FHL1: variants seen among roughly 807,000 people sequenced by gnomAD.
FHL1 encodes four and a half LIM domains 1, also known as four and a half LIM domains protein 1.
FHL1 carries 1 observed loss-of-function variant against 20.3 expected under a neutral mutation model. The ratio of observed to expected loss-of-function variants is 0.05; its 90% confidence interval spans 0.02 to 0.23. The LOEUF is 0.23. Among genes scored for constraint, FHL1 ranks in the 10% least tolerant of loss-of-function variants. The pLI is 1.00. For missense variants in FHL1, 177 were observed against 234.0 expected, an observed-to-expected ratio of 0.76 and a Z score of 1.59; for synonymous variants, 82 against 88.9, an observed-to-expected ratio of 0.92 and a Z score of 0.44.
intron 1 of FHL1, among the ~76,000 whole-genome samples, chrX:136,154,890 A>G (rs1424508428): frequency 2.7e-5 from 3 of 111,718 alleles, no homozygotes; most frequent in Non-Finnish European, 5.6e-5. Context: ...TATTTTTAGT[A>G]GAGACGGGGT....
At chrX:136,171,862 T>A (rs931041338) in intron 2 of FHL1, among the ~76,000 whole-genome samples, 5 of 99,271 alleles carry the variant, frequency 5.0e-5, no homozygotes, top group African/African-American at 1.1e-4. Flanking sequence ...CTGTTTTTTT[T>A]ATTTTTTTAA....
Position 136,207,059 on chromosome X carries a change from G to T in FHL1, c.248G>T (p.Arg83Leu). 8.3e-7 allele frequency: 1 copy of T among 1,211,549 alleles called. No individual in the cohort carries two copies. The highest frequency in any genetic ancestry group is 1.8e-5 in the South Asian group (1 of 56,953). Reference protein sequence around the residue: ...KNRFWHDTCFRCAKCLHPLAN... With the variant: ...KNRFWHDTCFLCAKCLHPLAN... The stretch of plus-strand genomic sequence containing the variant: ...CGCTTCTGGCATGACACCTGCTTCC[G>T]CTGTGCCAAGTGCCTTCACCCCTTG... Residue 83 changes from arginine to leucine, a missense_variant, in exon 3 of 6, where the codon CGC (arginine) becomes CTC (leucine). Physicochemically the swap from Arg to Leu is moderately radical, Grantham distance 102. Transcript: ENST00000370683.
chrX:136,155,317 G>C (rs2072385050), intron 1 of FHL1, among the ~76,000 whole-genome samples: 1 of 112,084 alleles, frequency 8.9e-6, no homozygotes, highest in Non-Finnish European at 1.9e-5. Context: ...CAGGGAAGCT[G>C]ATCTCCAGGG....
intron 1 of FHL1, among the ~76,000 whole-genome samples, chrX:136,155,042 C>T (rs1484131546): frequency 6.2e-5 from 7 of 112,350 alleles, no homozygotes; most frequent in African/African-American, 1.6e-4. Flanking sequence ...AGTTATTTAG[C>T]TTTCTTCCCC....
rs549683899 is a variant in FHL1, at chrX:136,191,324, G to C, written c.-26-15083G>C. Among the ~76,000 whole-genome samples, 29 of 112,472 alleles carry C rather than the reference G, an allele frequency of 2.6e-4. No homozygotes were observed. The South Asian group carries it at 6.7e-3, about 26-fold the overall frequency. On this transcript the variant is annotated intron_variant, in intron 2 of 6. Transcript: ENST00000394153. ...CAAATGTTGGCCTTCGGGGAAACTT[G>C]GCAGATGGGAGCCAAGTGAGCTTTC...
upstream of FHL1, among the ~76,000 whole-genome samples, chrX:136,195,389 G>A (rs1187635003): frequency 8.9e-6 from 1 of 112,331 alleles, no homozygotes; most frequent in Admixed American, 9.4e-5. Flanking sequence ...TAAAGTAAGA[G>A]AATTTCCTCT....
chrX:136,153,874 A>G (rs1284474604), intron 1 of FHL1, among the ~76,000 whole-genome samples: 1 of 111,497 alleles, frequency 9.0e-6, no homozygotes, highest in Non-Finnish European at 1.9e-5. Context: ...ACATCTCTAG[A>G]TGGAAGTCAT....
At chrX:136,199,241 A>G (rs1367804807) in intron 1 of FHL1, among the ~76,000 whole-genome samples, 2 of 111,733 alleles carry the variant, frequency 1.8e-5, no homozygotes, top group Non-Finnish European at 3.8e-5. Context: ...TCAGTGGCAC[A>G]TAATTTTTCT....
upstream of FHL1, chrX:136,196,706 C>G: frequency 1.3e-5 from 9 of 669,880 alleles, no homozygotes; most frequent in East Asian, 3.6e-5. Flanking sequence ...TTTACAGGGC[C>G]AAATGCAAGC....
intron 2 of FHL1, among the ~76,000 whole-genome samples, chrX:136,175,839 G>A (rs2072989239): frequency 8.9e-6 from 1 of 112,544 alleles, no homozygotes. Flanking sequence ...TTTATTTGAA[G>A]TTGTATTCAT....
intron 2 of FHL1, among the ~76,000 whole-genome samples, chrX:136,172,179 C>T (rs1384060837): frequency 8.9e-6 from 1 of 112,179 alleles, no homozygotes; most frequent in African/African-American, 3.2e-5. Flanking sequence ...CAGGCGTGAG[C>T]CACTGCGCCC....
chrX:136,146,914 G>C (rs1243678610), upstream of FHL1: 1 of 329,328 alleles, frequency 3.0e-6, no homozygotes, highest in South Asian at 2.6e-5. Context: ...AGGGGTCGTC[G>C]GTGGGCCTTT....
At position 136,206,466 on chromosome X, in the gene FHL1, G is replaced by A; in HGVS notation, c.82G>A (p.Asp28Asn). 1 of 1,212,356 alleles carries A rather than the reference G, an allele frequency of 8.2e-7. No individual in the cohort carries two copies. Among genetic ancestry groups the A allele is most frequent in the Non-Finnish European group, 1.1e-6 (1 of 895,639 alleles). The change falls in exon 2 of 6, where the codon GAT (aspartate) becomes AAT (asparagine). Residue 28 changes from aspartate (D) to asparagine (N), a missense_variant. Transcript: ENST00000370683. The stretch of plus-strand genomic sequence containing the variant: ...GAAGTTTGACTGCCACTACTGCAGG[G>A]ATCCCTTGCAGGGGAAGAAGTATGT... Reference protein sequence around the residue: ...AEKFDCHYCRDPLQGKKYVQK... With the variant: ...AEKFDCHYCRNPLQGKKYVQK...
rs768654870 is a variant in FHL1, at chrX:136,155,853, G to A, written c.-101+8225G>A. Among the ~76,000 whole-genome samples, 10 of 107,739 alleles carry A rather than the reference G, an allele frequency of 9.3e-5. No individual in the cohort carries two copies. In the South Asian group the frequency reaches 1.2e-3, roughly 13 times the overall value. The allele number at this position is 107,739 out of a possible 115,157, so 93.6% of individuals were successfully genotyped here. On this transcript the variant is annotated intron_variant, in intron 1 of 7. Coordinates refer to the FHL1 transcript ENST00000394155. ...ATCAAAATAATAAGTATCTCCTGTC[G>A]GCATTTTACTGCTTGTAGAATTGAT...
intron 3 of FHL1, chrX:136,207,537 CAGGGTA>C (rs981737912): frequency 1.4e-4 from 62 of 427,786 alleles, no homozygotes; most frequent in Non-Finnish European, 2.3e-4. Flanking sequence ...TAAGTGCACG[CAGGGTA>C]TAGAGGTGGG....
intron 1 of FHL1, among the ~76,000 whole-genome samples, chrX:136,158,837 A>G (rs756049026): frequency 2.1e-4 from 23 of 111,851 alleles, no homozygotes; most frequent in African/African-American, 6.5e-4. Context: ...GATAATTGTA[A>G]AGCAATTAAA....
chrX:136,171,701 C>A (rs764067461), intron 2 of FHL1, among the ~76,000 whole-genome samples: 1 of 111,561 alleles, frequency 9.0e-6, no homozygotes, highest in Non-Finnish European at 1.9e-5. Context: ...ACATTTAAAT[C>A]GAAGTTTTTC....
chrX:136,155,424 G>A (rs2072388624), intron 1 of FHL1, among the ~76,000 whole-genome samples: 1 of 112,202 alleles, frequency 8.9e-6, no homozygotes, highest in Admixed American at 9.5e-5. Context: ...CATAGGCTAT[G>A]TATACATGTA....
intron 2 of FHL1, among the ~76,000 whole-genome samples, chrX:136,186,271 T>G (rs1417283068): frequency 9.0e-6 from 1 of 111,177 alleles, no homozygotes; most frequent in East Asian, 2.8e-4. Context: ...CAAAAGCCAC[T>G]TCCTCTCTGG....
Sources: allele counts gnomAD v4.1 joint callset (sites outside exome capture counted in the v4.1 genomes callset), GRCh38; gene constraint gnomAD v4.1.1; transcripts MANE v1.5; gene names NCBI Gene and HGNC (gene_info 2026-07-23, HGNC 2026-07-21).